The following GEMIN8 variants were observed in gnomAD, a reference collection of about 807,000 sequenced individuals.
GEMIN8 encodes gem nuclear organelle associated protein 8.
For synonymous variants in GEMIN8, 80 were observed against 78.5 expected, an observed-to-expected ratio of 1.02 and a Z score of -0.10; for missense variants, 185 against 205.9, an observed-to-expected ratio of 0.90 and a Z score of 0.62.
rs185034490 is a variant in GEMIN8, at chrX:14,024,933, T to C, written c.-34+1207A>G. ...ACATTTATAATCAAACTTGCTGCCA[T>C]CTTCCATCAAGTTTAAAGTCCTGAG... On this transcript the variant is annotated intron_variant, in intron 2 of 4. Coordinates refer to ENST00000680255, the MANE Select transcript of GEMIN8 (RefSeq NM_001042479.2). Among the ~76,000 whole-genome samples the C allele has an allele frequency of 5.4e-5, 6 of 111,973 alleles. No individual in the cohort carries two copies. In the Admixed American group the frequency reaches 5.7e-4, roughly 11 times the overall value.
the GEMIN8 span, among the ~76,000 whole-genome samples, chrX:13,991,357 T>C: frequency 1.8e-5 from 2 of 111,795 alleles, no homozygotes; most frequent in African/African-American, 6.5e-5. Context: ...AATCAATGCA[T>C]TAACCTCCTA....
At position 14,014,179 on chromosome X, in the gene GEMIN8, T is replaced by A. The variant is rs184880686; in HGVS notation, c.473-5010A>T. On this transcript the variant is annotated intron_variant, in intron 4 of 4. Coordinates refer to ENST00000680255, the MANE Select transcript of GEMIN8 (RefSeq NM_001042479.2). ...AAGTGGCAAAGAATGTTTTTTCCCC[T>A]CACTTTCCTAGGACTAGTACATCTT... The A allele has an allele frequency of 3.1e-4, 236 of 750,614 alleles. No homozygotes were observed. In the African/African-American group the frequency reaches 4.9e-3, roughly 16 times the overall value. The allele number at this position is 750,614 out of a possible 1,213,427, so 61.9% of individuals were successfully genotyped here.
At chrX:14,005,905 T>C (rs1248638232), downstream of GEMIN8, among the ~76,000 whole-genome samples, 1 of 111,193 alleles carries the variant, frequency 9.0e-6, no homozygotes, top group Non-Finnish European at 1.9e-5. Context: ...AAAAAGAAGT[T>C]TGTTTTTTCC....
At chrX:13,997,044 C>T in the GEMIN8 span, among the ~76,000 whole-genome samples, 1 of 105,086 alleles carries the variant, frequency 9.5e-6, no homozygotes, top group Non-Finnish European at 1.9e-5. Context: ...CGGGTTCAAG[C>T]GATTCTTCTG....
At chrX:14,016,864 A>ATAT (rs57272772) in intron 4 of GEMIN8, among the ~76,000 whole-genome samples, 2 of 74,062 alleles carry the variant, frequency 2.7e-5, no homozygotes, top group African/African-American at 6.2e-5. Context: ...AAAAAAAAAA[A>ATAT]AAATATATAT....
At chrX:13,999,089 A>T in the GEMIN8 span, among the ~76,000 whole-genome samples, 1 of 111,001 alleles carries the variant, frequency 9.0e-6, no homozygotes, top group Non-Finnish European at 1.9e-5. Flanking sequence ...GTTTTTTTTT[A>T]AAGCCTTCTT....
the GEMIN8 span, among the ~76,000 whole-genome samples, chrX:13,995,126 T>C: frequency 6.9e-4 from 77 of 111,775 alleles, no homozygotes; most frequent in African/African-American, 2.4e-3. Context: ...TTTTCTCTTC[T>C]TGAATTTGTT....
intron 4 of GEMIN8, among the ~76,000 whole-genome samples, chrX:14,009,393 G>T (rs1923378630): frequency 9.0e-6 from 1 of 111,294 alleles, no homozygotes; most frequent in African/African-American, 3.3e-5. Flanking sequence ...CCTACCAAGG[G>T]GTTATTATAC....
chrX:13,999,080 T>G, the GEMIN8 span, among the ~76,000 whole-genome samples: 234 of 110,048 alleles, frequency 2.1e-3, 2 homozygotes, highest in East Asian at 0.034. Context: ...TAAATTTTTG[T>G]TTTTTTTTAA....
the GEMIN8 span, among the ~76,000 whole-genome samples, chrX:13,996,236 T>C: frequency 8.9e-6 from 1 of 112,133 alleles, no homozygotes; most frequent in Non-Finnish European, 1.9e-5. Flanking sequence ...CTATTAAGTA[T>C]AATATTGAAT....
intron 4 of GEMIN8, among the ~76,000 whole-genome samples, chrX:14,015,583 C>G (rs1021466374): frequency 1.8e-5 from 2 of 112,007 alleles, no homozygotes; most frequent in Non-Finnish European, 3.8e-5. Flanking sequence ...AATCTGAAGG[C>G]CTTTATCCTA....
At chrX:14,017,191 C>T (rs942524722) in intron 4 of GEMIN8, among the ~76,000 whole-genome samples, 5 of 110,465 alleles carry the variant, frequency 4.5e-5, no homozygotes, top group African/African-American at 9.9e-5. Context: ...TACAGGAGGA[C>T]GAGAACCTCT....
At chrX:13,989,249 T>C in the GEMIN8 span, among the ~76,000 whole-genome samples, 2 of 109,963 alleles carry the variant, frequency 1.8e-5, no homozygotes, top group African/African-American at 3.3e-5. Flanking sequence ...CCACCAACCC[T>C]GGCTAATTTT....
chrX:13,989,291 T>C, the GEMIN8 span, among the ~76,000 whole-genome samples: 1 of 109,910 alleles, frequency 9.1e-6, no homozygotes, highest in Non-Finnish European at 1.9e-5. Flanking sequence ...TTGGTAGAGA[T>C]GAAGTCTTGC....
chrX:13,988,444 C>G, the GEMIN8 span, among the ~76,000 whole-genome samples: 3 of 109,518 alleles, frequency 2.7e-5, no homozygotes, highest in African/African-American at 1.0e-4. Context: ...GTTTCCAGAT[C>G]TCATCCCTTC....
intron 4 of GEMIN8, among the ~76,000 whole-genome samples, chrX:14,010,410 G>A (rs944540396): frequency 9.0e-6 from 1 of 111,629 alleles, no homozygotes; most frequent in Non-Finnish European, 1.9e-5. Context: ...CATATCCACG[G>A]CTACTATGGC....
intron 4 of GEMIN8, among the ~76,000 whole-genome samples, chrX:14,017,523 C>T (rs758488171): frequency 8.9e-6 from 1 of 111,862 alleles, no homozygotes; most frequent in East Asian, 2.8e-4. Flanking sequence ...TAACAAAGTA[C>T]CATATACTGG....
chrX:14,017,318 G>C lies in GEMIN8; in HGVS notation c.472+2760C>G, dbSNP rs781453615. On this transcript the variant is annotated intron_variant, in intron 4 of 4. Coordinates refer to ENST00000680255, the MANE Select transcript of GEMIN8 (RefSeq NM_001042479.2). ...ATACTGGAAAATGAGGTTCAAGATG[G>C]AAGTTGCAAGGGTTTTCATAAAATT... Among the ~76,000 whole-genome samples, 47 of 111,769 alleles carry C rather than the reference G, an allele frequency of 4.2e-4. 1 individual carries two copies. The highest frequency in any genetic ancestry group is 9.5e-4 in the Admixed American group (10 of 10,518).
rs1283547238 is a variant in GEMIN8, at chrX:14,026,165, T to C, written c.-59A>G. ...CTCCCTGGGAATGTCTCCCACTCTT[T>C]TATGGCACAAGCCTTCAGGGACTGA... On this transcript the variant is annotated 5_prime_UTR_variant, in exon 2 of 5. Coordinates refer to ENST00000680255, the MANE Select transcript of GEMIN8 (RefSeq NM_001042479.2). The C allele has an allele frequency of 1.3e-6, 1 of 751,500 alleles. No individual in the cohort carries two copies. The highest frequency in any genetic ancestry group is 1.6e-6 in the Non-Finnish European group (1 of 637,524). The allele number at this position is 751,500 out of a possible 1,213,427, so 61.9% of individuals were successfully genotyped here.
Sources: gnomAD v4.1 joint callset for allele counts (sites outside exome capture counted in the v4.1 genomes callset) on GRCh38, gnomAD v4.1.1 for gene constraint, MANE v1.5 for transcripts, NCBI Gene and HGNC (gene_info 2026-07-23, HGNC 2026-07-21) for gene names.